The following RBM19 variants were observed in gnomAD, a reference collection of about 807,000 sequenced individuals.
The protein encoded by RBM19 is RNA binding motif protein 19.
Under a neutral mutation model 116.8 loss-of-function variants are expected in RBM19, and 94 were observed. The ratio of observed to expected loss-of-function variants is 0.80; its 90% CI spans 0.68 to 0.95. RBM19 has a LOEUF of 0.95. Ranked by LOEUF, RBM19 falls within the 40% of genes least tolerant of loss-of-function variation. The probability of loss-of-function intolerance (pLI) is 0.00; values close to 1 mark genes in which losing one functional copy is unlikely to be tolerated. For missense variants in RBM19, 1,161 were observed against 1,220.7 expected (o/e 0.95, Z 0.73); for synonymous variants, 475 against 494.1 (o/e 0.96, Z 0.51).
At position 113,962,324 on chromosome 12, in the gene RBM19, T is replaced by G; in HGVS notation, c.127A>C (p.Lys43Gln). ...LKFTKDGKFRKFGFIGFKSEE... is the reference protein window; with the variant it reads ...LKFTKDGKFRQFGFIGFKSEE... ...GACTTGAAGCCAATAAAACCAAACT[T>G]GCGGAACTTGCCATCTTTGGTGAAC... is the stretch of plus-strand genomic sequence containing the variant. Residue 43 changes from lysine to glutamine, a missense_variant, in exon 2 of 24, where the codon AAG (lysine) becomes CAG (glutamine). Transcript: ENST00000261741. 6.2e-7 allele frequency: 1 copy of G among 1,614,220 alleles called. No individual in the cohort carries two copies. The highest frequency in any genetic ancestry group is 8.5e-7 in the Non-Finnish European group (1 of 1,180,040).
At chr12:113,942,048 GT>G (rs1303341050) in intron 14 of RBM19, among the ~76,000 whole-genome samples, 1 of 152,170 alleles carries the variant, frequency 6.6e-6, no homozygotes, top group African/African-American at 2.4e-5. Context: ...AAGCCACTGG[GT>G]AGGGGAGTGA....
At chr12:113,878,510 C>T (rs988552239) in intron 21 of RBM19, among the ~76,000 whole-genome samples, 2 of 152,110 alleles carry the variant, frequency 1.3e-5, no homozygotes, top group Non-Finnish European at 1.5e-5. Flanking sequence ...CATCGGCCAT[C>T]GCAGGCCCCA....
rs1485614912 is a variant in RBM19 at position 113,960,052 on chromosome 12, T to C, written c.339+7A>G. ...GGGGACAGAGGCTAGAGTGACCCTT[T>C]ACATACTTTCTTAATTTCTGGAGTA... On this transcript the variant is annotated splice_region_variant and intron_variant, in intron 3 of 23. Transcript: ENST00000261741. The C allele has an allele frequency of 3.7e-6, 6 of 1,614,116 alleles. No homozygotes were observed. Among genetic ancestry groups the C allele is most frequent in the Non-Finnish European group, 5.1e-6 (6 of 1,180,034 alleles).
At chr12:113,897,142 T>C (rs1881391228) in intron 21 of RBM19, among the ~76,000 whole-genome samples, 1 of 152,230 alleles carries the variant, frequency 6.6e-6, no homozygotes, top group African/African-American at 2.4e-5. Flanking sequence ...ATCTCCATTT[T>C]ATAGATGCAG....
chr12:113,927,332 T>C (rs1356440995), intron 16 of RBM19, 103 bp from the exon 17 acceptor site: 4 of 1,395,028 alleles, frequency 2.9e-6, no homozygotes, highest in Non-Finnish European at 3.8e-6. Context: ...GCCCACTAGG[T>C]AAAGGGGTTC....
intron 23 of RBM19, among the ~76,000 whole-genome samples, chr12:113,835,812 C>T (rs953244214): frequency 4.6e-5 from 7 of 152,194 alleles, no homozygotes; most frequent in Non-Finnish European, 7.3e-5. Flanking sequence ...AAGGTAGAGA[C>T]GCTAACCACA....
intron 21 of RBM19, among the ~76,000 whole-genome samples, chr12:113,904,538 T>C (rs182161811): frequency 3.5e-4 from 53 of 152,186 alleles, no homozygotes; most frequent in African/African-American, 1.1e-3. Context: ...TTGGGTAAGG[T>C]GCTGTGCAGA....
At chr12:113,936,590 G>T (rs1870086538) in intron 16 of RBM19, among the ~76,000 whole-genome samples, 1 of 152,196 alleles carries the variant, frequency 6.6e-6, no homozygotes, top group Non-Finnish European at 1.5e-5. Context: ...AGGGGCCACG[G>T]CTTCCCCTTC....
chr12:113,845,727 G>A (rs1054106645), intron 22 of RBM19, among the ~76,000 whole-genome samples: 5 of 152,128 alleles, frequency 3.3e-5, no homozygotes, highest in Admixed American at 6.5e-5. Flanking sequence ...ACATCGCTAG[G>A]TCTCAAGTTC....
intron 15 of RBM19, among the ~76,000 whole-genome samples, chr12:113,939,163 A>C (rs1870325984): frequency 6.6e-6 from 1 of 152,098 alleles, no homozygotes; most frequent in Admixed American, 6.6e-5. Context: ...AAAATTAGCC[A>C]GGCGTGGTGG....
intron 21 of RBM19, among the ~76,000 whole-genome samples, chr12:113,872,213 C>A (rs1169669451): frequency 1.4e-4 from 20 of 146,680 alleles, no homozygotes; most frequent in African/African-American, 4.7e-4. Flanking sequence ...TCTGCCCGGC[C>A]GAGACCCTGT....
intron 23 of RBM19, among the ~76,000 whole-genome samples, chr12:113,844,279 C>T (rs755789354): frequency 6.6e-6 from 1 of 152,300 alleles, no homozygotes; most frequent in African/African-American, 2.4e-5. Flanking sequence ...GCATCCCTGC[C>T]CTGCGGACAC....
At chr12:113,934,497 G>A (rs1232633797) in intron 16 of RBM19, among the ~76,000 whole-genome samples, 1 of 152,150 alleles carries the variant, frequency 6.6e-6, no homozygotes, top group African/African-American at 2.4e-5. Flanking sequence ...TTGCTCTTGG[G>A]TTCACTCACA....
At chr12:113,821,643 G>A (rs959972071), downstream of RBM19, among the ~76,000 whole-genome samples, 5 of 152,204 alleles carry the variant, frequency 3.3e-5, no homozygotes, top group African/African-American at 1.2e-4. Context: ...GTGGCTGGGC[G>A]TGATGGCTCA....
intron 21 of RBM19, among the ~76,000 whole-genome samples, chr12:113,876,291 G>C (rs889492138): frequency 1.3e-5 from 2 of 152,164 alleles, no homozygotes; most frequent in African/African-American, 4.8e-5. Context: ...TAGAGGCATA[G>C]CTGGGAGGTG....
At chr12:113,957,117 T>C (rs1234502090) in intron 6 of RBM19, among the ~76,000 whole-genome samples, 1 of 152,196 alleles carries the variant, frequency 6.6e-6, no homozygotes, top group Non-Finnish European at 1.5e-5. Flanking sequence ...GGGATAGTTG[T>C]TCACTCTATC....
At chr12:113,823,410 GA>G in intron 23 of RBM19, 89 bp from the exon 24 acceptor site, 1 of 1,141,486 alleles carries the variant, frequency 8.8e-7, no homozygotes, top group Non-Finnish European at 1.3e-6. Flanking sequence ...GAAGGAGGGA[GA>G]GGGGAGAGAT....
At chr12:113,832,197 T>C (rs1019375516) in intron 23 of RBM19, among the ~76,000 whole-genome samples, 1 of 146,748 alleles carries the variant, frequency 6.8e-6, no homozygotes, top group Middle Eastern at 3.2e-3. Context: ...TCTTTTTTCT[T>C]TTTTTTTTTT....
intron 16 of RBM19, chr12:113,927,431 C>T (rs766017187): frequency 2.3e-5 from 14 of 604,278 alleles, no homozygotes; most frequent in African/African-American, 9.3e-5. Flanking sequence ...GAAAGTCCTG[C>T]CCCTGCTGTG....
Sources: gnomAD v4.1 joint callset for allele counts (sites outside exome capture counted in the v4.1 genomes callset) on GRCh38, gnomAD v4.1.1 for gene constraint, MANE v1.5 for transcripts, NCBI Gene and HGNC (gene_info 2026-07-23, HGNC 2026-07-21) for gene names.